DPP6: variants seen among roughly 807,000 people sequenced by gnomAD.
DPP6 encodes A-type potassium channel modulatory protein DPP6.
A neutral mutation model predicts 122.6 loss-of-function variants in DPP6; 69 were observed. That is an observed-to-expected ratio of 0.56 (90% CI 0.46 to 0.69). The LOEUF is 0.69. DPP6 is among the 30% of genes least tolerant of loss of function. The pLI, the probability that DPP6 is intolerant of heterozygous loss-of-function variation, is 0.00. For missense variants in DPP6, 928 were observed against 1,116.9 expected, an observed-to-expected ratio of 0.83 and a Z score of 2.41; for synonymous variants, 418 against 433.1, an observed-to-expected ratio of 0.97 and a Z score of 0.43.
chr7:154,438,549 C>T (rs1055925422), intron 1 of DPP6, among the ~76,000 whole-genome samples: 1 of 147,210 alleles, frequency 6.8e-6, no homozygotes, highest in Admixed American at 6.8e-5. Context: ...ATTATTAAAT[C>T]CAAGGGAAAA....
intron 2 of DPP6, among the ~76,000 whole-genome samples, chr7:154,447,851 G>A (rs1820021379): frequency 6.6e-6 from 1 of 152,142 alleles, no homozygotes; most frequent in Non-Finnish European, 1.5e-5. Flanking sequence ...CACAGAATAA[G>A]CATGTGACAA....
intron 7 of DPP6, among the ~76,000 whole-genome samples, chr7:154,701,302 G>T (rs1044159846): frequency 6.6e-6 from 1 of 152,142 alleles, no homozygotes; most frequent in African/African-American, 2.4e-5. Context: ...TGATAACCAC[G>T]CAGGCTGTGG....
In DPP6 at chr7:153,995,402, C is replaced by T. The variant is rs1300606956; in HGVS notation, c.51+107668C>T. ...GAGGTCGAGACCATCCTGGCTAACACGGTGAAACCCCGTCTCTACTAAAAA... is the reference window on the plus strand; with the variant it reads ...GAGGTCGAGACCATCCTGGCTAACATGGTGAAACCCCGTCTCTACTAAAAA... On this transcript the variant is annotated intron_variant, in intron 1 of 25. Transcript: ENST00000404039. Among the ~76,000 whole-genome samples the T allele has an allele frequency of 3.9e-5, 6 of 152,024 alleles. 1 individual carries two copies. The highest frequency in any genetic ancestry group is 1.9e-4 in the East Asian group (1 of 5,146).
intron 16 of DPP6, among the ~76,000 whole-genome samples, chr7:154,839,363 A>G (rs1053912836): frequency 2.6e-5 from 4 of 152,186 alleles, no homozygotes; most frequent in African/African-American, 9.7e-5. Flanking sequence ...AAAGACATAG[A>G]CTCACACAGG....
chr7:154,383,983 C>T (rs114622371), intron 1 of DPP6, among the ~76,000 whole-genome samples: 2,152 of 152,144 alleles, frequency 0.014, 49 homozygotes, highest in African/African-American at 0.048. Flanking sequence ...TCTGCAAGAG[C>T]CTGAGTCTGC....
intron 1 of DPP6, among the ~76,000 whole-genome samples, chr7:154,439,559 G>A (rs1034824514): frequency 6.6e-6 from 1 of 152,174 alleles, no homozygotes; most frequent in African/African-American, 2.4e-5. Context: ...TTTCATAAAA[G>A]AATCTATCAG....
chr7:154,537,995 A>G (rs892903967), intron 3 of DPP6, among the ~76,000 whole-genome samples: 25 of 152,144 alleles, frequency 1.6e-4, no homozygotes, highest in Non-Finnish European at 3.1e-4. Context: ...GATATAATAT[A>G]AATTACTGAG....
chr7:153,882,307 A>C (rs928183457), upstream of DPP6, among the ~76,000 whole-genome samples: 1 of 152,146 alleles, frequency 6.6e-6, no homozygotes, highest in African/African-American at 2.4e-5. Context: ...TCAGTAATGA[A>C]CTAATCTGTG....
intron 1 of DPP6, among the ~76,000 whole-genome samples, chr7:154,108,509 A>G (rs879575297): frequency 4.6e-5 from 7 of 152,296 alleles, no homozygotes; most frequent in Admixed American, 4.6e-4. Context: ...TGCATCCCTA[A>G]CACTGGGACA....
intron 5 of DPP6, among the ~76,000 whole-genome samples, chr7:154,582,635 G>C (rs1333088344): frequency 6.6e-6 from 1 of 152,178 alleles, no homozygotes; most frequent in Non-Finnish European, 1.5e-5. Flanking sequence ...GCTGCCACTG[G>C]ACCATAAGCA....
intron 7 of DPP6, among the ~76,000 whole-genome samples, chr7:154,710,693 T>C (rs1261945690): frequency 6.6e-6 from 1 of 152,250 alleles, no homozygotes; most frequent in African/African-American, 2.4e-5. Flanking sequence ...CAGCAGGGTC[T>C]TCTAAAAGGT....
At chr7:154,495,555 A>G (rs564611944) in intron 3 of DPP6, among the ~76,000 whole-genome samples, 4 of 151,950 alleles carry the variant, frequency 2.6e-5, no homozygotes, top group African/African-American at 9.7e-5. Flanking sequence ...ATGCCCGGCT[A>G]ATTTTTGTAT....
chr7:154,466,769 C>A (rs2151328772), intron 2 of DPP6, among the ~76,000 whole-genome samples: 1 of 152,330 alleles, frequency 6.6e-6, no homozygotes, highest in South Asian at 2.1e-4. Context: ...TTACCTAACA[C>A]AGTCTGTTCT....
chr7:154,073,118 C>G (rs1803245219), intron 1 of DPP6, among the ~76,000 whole-genome samples: 1 of 152,204 alleles, frequency 6.6e-6, no homozygotes. Context: ...CCTCTGTGGT[C>G]CCTTAATTGC....
intron 1 of DPP6, among the ~76,000 whole-genome samples, chr7:154,364,174 A>G (rs1373103123): frequency 1.3e-5 from 2 of 152,240 alleles, no homozygotes; most frequent in African/African-American, 4.8e-5. Flanking sequence ...AATCAAACTC[A>G]TCATAAGTAT....
chr7:154,699,507 C>T (rs1840397278), intron 7 of DPP6, among the ~76,000 whole-genome samples: 1 of 152,198 alleles, frequency 6.6e-6, no homozygotes, highest in South Asian at 2.1e-4. Context: ...TTGGTTCAGA[C>T]CTGCTCCTAT....
intron 12 of DPP6, among the ~76,000 whole-genome samples, chr7:154,796,807 A>G (rs1798075802): frequency 6.6e-6 from 1 of 152,192 alleles, no homozygotes; most frequent in Admixed American, 6.5e-5. Flanking sequence ...CTGCCTGTGG[A>G]GTCAGGAATA....
chr7:154,744,440 G>A (rs1842947721), intron 8 of DPP6, among the ~76,000 whole-genome samples: 1 of 152,200 alleles, frequency 6.6e-6, no homozygotes. Context: ...GCATGTTCGG[G>A]GAGCCGATCC....
the DPP6 span, among the ~76,000 whole-genome samples, chr7:153,777,452 G>A: frequency 7.4e-6 from 1 of 134,308 alleles, no homozygotes; most frequent in East Asian, 2.1e-4. Context: ...TTTATAGCAG[G>A]TTCATTTGTA....
Sources: allele counts gnomAD v4.1 joint callset (sites outside exome capture counted in the v4.1 genomes callset), GRCh38; gene constraint gnomAD v4.1.1; transcripts MANE v1.5; gene names NCBI Gene and HGNC (gene_info 2026-07-23, HGNC 2026-07-21).